Variants in SCD5 observed in about 807,000 individuals in gnomAD.
SCD5 encodes the protein stearoyl-CoA desaturase 5, also known as acyl-CoA-desaturase 4.
Under a neutral mutation model 30.4 loss-of-function variants are expected in SCD5, and 20 were observed. The ratio of observed to expected loss-of-function variants is 0.66; its 90% CI spans 0.46 to 0.96. The LOEUF (loss-of-function observed/expected upper bound fraction) is 0.96. Among genes scored for constraint, SCD5 ranks in the 40% least tolerant of loss-of-function variants. The pLI is 0.00. For synonymous variants in SCD5, 173 were observed against 176.4 expected, an observed-to-expected ratio of 0.98 and a Z score of 0.16; for missense variants, 381 against 443.3, an observed-to-expected ratio of 0.86 and a Z score of 1.26.
At chr4:82,752,273 T>TTATATATATATATATATATATATATA (rs139910934) in intron 1 of SCD5, among the ~76,000 whole-genome samples, 4 of 145,652 alleles carry the variant, frequency 2.7e-5, no homozygotes, top group African/African-American at 1.0e-4. Flanking sequence ...TTTTAAAAAA[T>TTATATATATATATATATATATATATA]TATATATATA....
intron 1 of SCD5, among the ~76,000 whole-genome samples, chr4:82,711,543 G>GT (rs746249397): frequency 3.0e-4 from 45 of 152,122 alleles, no homozygotes; most frequent in Non-Finnish European, 5.3e-4. Flanking sequence ...GCAAAACACT[G>GT]TATCTACAAA....
intron 1 of SCD5, among the ~76,000 whole-genome samples, chr4:82,747,421 C>T (rs1375394262): frequency 6.6e-6 from 1 of 152,194 alleles, no homozygotes; most frequent in African/African-American, 2.4e-5. Flanking sequence ...TTTCTCTTAC[C>T]CACTGCTACA....
Position 82,757,931 on chromosome 4 carries a change from G to A in SCD5, c.232+40375C>T, listed in dbSNP as rs563167756. 4.6e-5 allele frequency among the ~76,000 whole-genome samples: 7 copies of A among 152,314 alleles called. No homozygotes were observed. The East Asian group carries it at 1.3e-3, about 29-fold the overall frequency. On this transcript the variant is annotated intron_variant, in intron 1 of 4. Coordinates refer to ENST00000319540, the MANE Select transcript of SCD5 (RefSeq NM_001037582.3). ...CAGTGCAGAATCCATTAACGGCTAC[G>A]CCAAGATTATCTTGAAGATGATGTT...
Position 82,798,373 on chromosome 4 carries a change from C to T in SCD5, c.165G>A (p.Leu55=), listed in dbSNP as rs1457881800. 2 of 1,613,316 alleles carry T rather than the reference C, an allele frequency of 1.2e-6. No individual in the cohort carries two copies. The highest frequency in any genetic ancestry group is 1.7e-6 in the Non-Finnish European group (2 of 1,179,638). Residue 55 remains leucine, a synonymous_variant, in exon 1 of 5, where the codon TTG becomes TTA. Coordinates refer to ENST00000319540, the MANE Select transcript of SCD5 (RefSeq NM_001037582.3). Reference sequence around the variant, plus strand: ...GGGAGTACACGGCCCCCAAGTGGAGCAAGCTCATCAGGACGACATTCCTCC... The same window carrying T: ...GGGAGTACACGGCCCCCAAGTGGAGTAAGCTCATCAGGACGACATTCCTCC... ...IVWRNVVLMS[L]LHLGAVYSLV...
At chr4:82,652,290 T>C (rs1042889124) in intron 3 of SCD5, among the ~76,000 whole-genome samples, 1 of 152,242 alleles carries the variant, frequency 6.6e-6, no homozygotes, top group Non-Finnish European at 1.5e-5. Flanking sequence ...AAAGGTTTTA[T>C]GCAGGAGACA....
intron 1 of SCD5, among the ~76,000 whole-genome samples, chr4:82,796,162 T>C (rs1560566161): frequency 6.6e-6 from 1 of 150,648 alleles, no homozygotes. Context: ...CCCAACTACT[T>C]GGGAGGCTGA....
intron 2 of SCD5, among the ~76,000 whole-genome samples, chr4:82,696,195 T>C (rs1719692354): frequency 6.6e-6 from 1 of 152,224 alleles, no homozygotes; most frequent in Admixed American, 6.5e-5. Flanking sequence ...AGCTAGAAAT[T>C]TCCATTTGGC....
At chr4:82,729,614 T>C (rs890940649) in intron 1 of SCD5, among the ~76,000 whole-genome samples, 5 of 121,092 alleles carry the variant, frequency 4.1e-5, no homozygotes, top group Non-Finnish European at 6.6e-5. Context: ...ATTTTAAACA[T>C]ATCTTCTTGA....
intron 2 of SCD5, among the ~76,000 whole-genome samples, chr4:82,701,287 A>C (rs2148826528): frequency 6.6e-6 from 1 of 152,344 alleles, no homozygotes; most frequent in South Asian, 2.1e-4. Flanking sequence ...GACTTATACA[A>C]AATGGTCCAT....
At chr4:82,790,400 C>T (rs1281726846) in intron 1 of SCD5, among the ~76,000 whole-genome samples, 1 of 152,188 alleles carries the variant, frequency 6.6e-6, no homozygotes, top group African/African-American at 2.4e-5. Flanking sequence ...TCTCTCTCCA[C>T]TCTACTCACC....
At chr4:82,679,266 AG>A (rs1728512690) in intron 3 of SCD5, among the ~76,000 whole-genome samples, 1 of 113,624 alleles carries the variant, frequency 8.8e-6, no homozygotes, top group Non-Finnish European at 1.9e-5. Flanking sequence ...GAAAGAAGGA[AG>A]GAAAGAAAGA....
rs772100070 is a variant in SCD5, at chr4:82,636,764, T to A, written c.629A>T (p.Tyr210Phe). The A allele has an allele frequency of 1.2e-6, 2 of 1,614,216 alleles. No individual in the cohort carries two copies. The highest frequency in any genetic ancestry group is 1.7e-6 in the Non-Finnish European group (2 of 1,180,036). ...ATTCCACAGACTCTCTCCCCAGATG[T>A]ACCAGGGCACCAGCGTGGGGACCAC... The part of the protein sequence containing the change: ...CFVVPTLVPW[Y>F]IWGESLWNSY... The change falls in exon 4 of 5, where the codon TAC (tyrosine) becomes TTC (phenylalanine). Residue 210 changes from tyrosine (Y) to phenylalanine (F), a missense_variant. Tyr to Phe is a conservative substitution (Grantham distance 22). Coordinates refer to ENST00000319540, the MANE Select transcript of SCD5 (RefSeq NM_001037582.3).
intron 1 of SCD5, among the ~76,000 whole-genome samples, chr4:82,748,701 T>C (rs1319716789): frequency 6.6e-6 from 1 of 152,204 alleles, no homozygotes; most frequent in African/African-American, 2.4e-5. Flanking sequence ...CAAGTGAGTT[T>C]ACCGAGGTTA....
chr4:82,724,223 T>C (rs1471334830), intron 1 of SCD5, among the ~76,000 whole-genome samples: 1 of 152,204 alleles, frequency 6.6e-6, no homozygotes, highest in Non-Finnish European at 1.5e-5. Flanking sequence ...TGATAACAAA[T>C]ACCGAATTTC....
At chr4:82,785,550 G>C (rs115673714) in intron 1 of SCD5, among the ~76,000 whole-genome samples, 1 of 152,056 alleles carries the variant, frequency 6.6e-6, no homozygotes, top group Non-Finnish European at 1.5e-5. Flanking sequence ...AGAATTACTC[G>C]TTTCCTGGTT....
At chr4:82,665,013 A>AT (rs1728144436) in intron 3 of SCD5, among the ~76,000 whole-genome samples, 1 of 119,812 alleles carries the variant, frequency 8.3e-6, no homozygotes, top group Non-Finnish European at 1.6e-5. Flanking sequence ...ATATATATAT[A>AT]TATATATGTA....
In SCD5 at chr4:82,640,082, TCCTGCTCTCTGACC is replaced by T. The variant is rs901375491; in HGVS notation, c.570-3273_570-3260del. Among the ~76,000 whole-genome samples the T allele has an allele frequency of 5.3e-5, 8 of 152,288 alleles. No homozygotes were observed. The South Asian group carries it at 1.2e-3, about 24-fold the overall frequency. ...GGGAGAGGCCGAGGCCCGCTCTGGCTCCTGCTCTCTGACCCCTGCTCTCTGACCCCAGTCCTGTG... is the reference window on the plus strand; with the variant it reads ...GGGAGAGGCCGAGGCCCGCTCTGGCTCCTGCTCTCTGACCCCAGTCCTGTG... On this transcript the variant is annotated intron_variant, in intron 3 of 4. Coordinates refer to ENST00000319540, the MANE Select transcript of SCD5 (RefSeq NM_001037582.3).
At chr4:82,702,266 T>A (rs1171668029) in intron 2 of SCD5, among the ~76,000 whole-genome samples, 1 of 148,936 alleles carries the variant, frequency 6.7e-6, no homozygotes, top group Non-Finnish European at 1.5e-5. Flanking sequence ...TGTCTCAGCC[T>A]CTCAAATAGC....
At chr4:82,711,348 T>A (rs1720082295) in intron 1 of SCD5, among the ~76,000 whole-genome samples, 1 of 126,844 alleles carries the variant, frequency 7.9e-6, no homozygotes. Context: ...ACTTGAAGGG[T>A]GTTACTGGCA....
Sources: gnomAD v4.1 joint callset for allele counts (sites outside exome capture counted in the v4.1 genomes callset) on GRCh38, gnomAD v4.1.1 for gene constraint, MANE v1.5 for transcripts, NCBI Gene and HGNC (gene_info 2026-07-23, HGNC 2026-07-21) for gene names.